The following PCDHAC1 variants were observed in gnomAD, a reference collection of about 807,000 sequenced individuals.
PCDHAC1 encodes the protein protocadherin alpha-C1.
PCDHAC1 carries 42 observed loss-of-function variants against 60.0 expected under a neutral mutation model. The ratio of observed to expected loss-of-function variants is 0.70; its 90% CI spans 0.55 to 0.90. The LOEUF (loss-of-function observed/expected upper bound fraction) is 0.90, where lower values mean the gene tolerates loss of function less well. Among genes scored for constraint, PCDHAC1 ranks in the 40% least tolerant of loss-of-function variants. PCDHAC1 has a pLI of 0.00. For missense variants in PCDHAC1, 1,160 were observed against 1,222.3 expected (o/e 0.95, Z 0.76); for synonymous variants, 468 against 499.3 (o/e 0.94, Z 0.84).
Position 140,927,652 on chromosome 5 carries a change from C to T in PCDHAC1, c.760C>T (p.Arg254Ter), listed in dbSNP as rs868980158. The change falls in exon 1 of 4, where the codon CGA (arginine) becomes TGA (stop). Residue 254 changes from arginine to a stop codon, truncating the protein, a stop_gained. Transcript: ENST00000253807. LOFTEE classifies it high-confidence loss of function. The part of the protein sequence containing the change: ...ETAPNGTVLF[R>*]VQALDPDEGS... Reference sequence around the variant, plus strand: ...TGCACCCAATGGGACTGTGTTATTCCGAGTTCAAGCCTTGGATCCAGATGA... The same window carrying T: ...TGCACCCAATGGGACTGTGTTATTCTGAGTTCAAGCCTTGGATCCAGATGA... 1.7e-5 allele frequency: 28 copies of T among 1,614,054 alleles called. No homozygotes were observed. The highest frequency in any genetic ancestry group is 9.3e-5 in the African/African-American group (7 of 74,906).
chr5:140,975,848 T>C (rs1345383470), intron 1 of PCDHAC1, among the ~76,000 whole-genome samples: 1 of 152,234 alleles, frequency 6.6e-6, no homozygotes, highest in Non-Finnish European at 1.5e-5. Flanking sequence ...TCAGTAATAC[T>C]ACATCACCCA....
At chr5:140,954,287 TG>T (rs1353316805) in intron 1 of PCDHAC1, among the ~76,000 whole-genome samples, 1 of 152,248 alleles carries the variant, frequency 6.6e-6, no homozygotes, top group Non-Finnish European at 1.5e-5. Flanking sequence ...TATATTCCTT[TG>T]GGTACATACC....
intron 1 of PCDHAC1, among the ~76,000 whole-genome samples, chr5:140,978,596 C>T (rs2096811689): frequency 6.6e-6 from 1 of 152,204 alleles, no homozygotes; most frequent in African/African-American, 2.4e-5. Context: ...CTTAATGGGG[C>T]ACTTGAGGGC....
In PCDHAC1 at chr5:140,927,539, A is replaced by G. The variant is rs1554204701; in HGVS notation, c.647A>G (p.Asp216Gly). The G allele has an allele frequency of 6.2e-7, 1 of 1,614,112 alleles. No individual in the cohort carries two copies. Among genetic ancestry groups the G allele is most frequent in the Non-Finnish European group, 8.5e-7 (1 of 1,180,026 alleles). Residue 216 changes from aspartate to glycine, a missense_variant, in exon 1 of 4, where the codon GAC (aspartate) becomes GGC (glycine). Physicochemically the swap from Asp to Gly is moderately conservative, Grantham distance 94 (BLOSUM62 -1). Coordinates refer to ENST00000253807, the MANE Select transcript of PCDHAC1 (RefSeq NM_018898.5). ...RDGGLPARSG[D>G]AQVTIIVVDT... is the part of the protein sequence containing the mutation. ...GGCGGGCTACCTGCCCGCTCAGGAG[A>G]CGCACAAGTCACCATCATTGTGGTG...
chr5:140,986,345 C>T (rs1442253492), intron 3 of PCDHAC1, among the ~76,000 whole-genome samples: 2 of 152,172 alleles, frequency 1.3e-5, no homozygotes, highest in African/African-American at 4.8e-5. Flanking sequence ...GTTGCAGCCT[C>T]TTCTTCAGAT....
At chr5:140,932,549 C>T (rs1222820851) in intron 1 of PCDHAC1, among the ~76,000 whole-genome samples, 1 of 151,864 alleles carries the variant, frequency 6.6e-6, no homozygotes, top group African/African-American at 2.4e-5. Context: ...ATTTAACATA[C>T]ATTCCACAAG....
intron 1 of PCDHAC1, chr5:140,968,608 T>C: frequency 6.2e-7 from 1 of 1,614,242 alleles, no homozygotes; most frequent in South Asian, 1.1e-5. Context: ...ACTCAGACTC[T>C]GGGCAAAATG....
At chr5:140,936,571 C>G (rs2153629502) in intron 1 of PCDHAC1, among the ~76,000 whole-genome samples, 1 of 152,342 alleles carries the variant, frequency 6.6e-6, no homozygotes, top group African/African-American at 2.4e-5. Flanking sequence ...ATATTTTCCA[C>G]TTGTAAATCC....
At chr5:140,966,767 A>T in intron 1 of PCDHAC1, 1 of 1,484,362 alleles carries the variant, frequency 6.7e-7, no homozygotes, top group South Asian at 1.3e-5. Context: ...GCCAGTGGCT[A>T]TGGAGCAGGC....
chr5:140,928,178 G>A lies in PCDHAC1; in HGVS notation c.1286G>A (p.Arg429Lys). The A allele has an allele frequency of 6.2e-7, 1 of 1,614,192 alleles. No individual in the cohort carries two copies. Reference sequence around the variant, plus strand: ...GGCTCACCCCCACTTAGCACCCGAAGGACAATCACTGTGTCAGTTGCTGAT... The same window carrying A: ...GGCTCACCCCCACTTAGCACCCGAAAGACAATCACTGTGTCAGTTGCTGAT... ...DSGSPPLSTRRTITVSVADVN... is the reference protein window; with the variant it reads ...DSGSPPLSTRKTITVSVADVN... Residue 429 changes from arginine (R) to lysine (K), a missense_variant, in exon 1 of 4, where the codon AGG becomes AAG. Transcript: ENST00000253807.
chr5:140,975,127 T>C (rs1331047394), intron 1 of PCDHAC1, among the ~76,000 whole-genome samples: 2 of 152,288 alleles, frequency 1.3e-5, no homozygotes, highest in East Asian at 1.9e-4. Flanking sequence ...CTACTTACTA[T>C]TGGCCTGGGG....
chr5:140,988,900 G>A (rs2097319351), intron 3 of PCDHAC1: 1 of 152,194 alleles, frequency 6.6e-6, no homozygotes, highest in Admixed American at 6.5e-5. Context: ...ACATTTTAGA[G>A]GGTGTAGTGA....
chr5:140,993,462 TCACACACACACA>T (rs3836747), intron 3 of PCDHAC1, among the ~76,000 whole-genome samples: 1,999 of 141,038 alleles, frequency 0.014, 48 homozygotes, highest in African/African-American at 0.047. Context: ...TCTTTCTTTC[TCACACACACACA>T]CACACACACA....
chr5:141,002,806 G>T (rs1341419225), intron 3 of PCDHAC1, among the ~76,000 whole-genome samples: 1 of 152,162 alleles, frequency 6.6e-6, no homozygotes, highest in Non-Finnish European at 1.5e-5. Context: ...GGAAACTGAG[G>T]CTCAGAGATA....
chr5:140,963,032 T>C (rs541613535), intron 1 of PCDHAC1, among the ~76,000 whole-genome samples: 8 of 152,290 alleles, frequency 5.3e-5, no homozygotes, highest in African/African-American at 1.9e-4. Context: ...CAATTAACAT[T>C]TATTGAGAGT....
intron 3 of PCDHAC1, among the ~76,000 whole-genome samples, chr5:140,993,766 C>T (rs567978996): frequency 9.2e-5 from 14 of 152,082 alleles, no homozygotes; most frequent in African/African-American, 1.7e-4. Context: ...ATTACAATTG[C>T]GCAGTATTTT....
chr5:140,999,144 G>A (rs2097848915), intron 3 of PCDHAC1, among the ~76,000 whole-genome samples: 1 of 152,200 alleles, frequency 6.6e-6, no homozygotes, highest in Non-Finnish European at 1.5e-5. Context: ...ACAGCCGGAA[G>A]TCTTCAGTCC....
chr5:141,000,361 GTCTCTCTCTC>G lies in PCDHAC1; in HGVS notation c.2582-9240_2582-9231del, dbSNP rs148596731. Reference sequence around the variant, plus strand: ...CCTATCTCTCTCTCTGTCTCTCTCTGTCTCTCTCTCTCTCTCTCTCTCTCTCTCTCTCTCT... The same window carrying G: ...CCTATCTCTCTCTCTGTCTCTCTCTGTCTCTCTCTCTCTCTCTCTCTCTCT... On this transcript the variant is annotated intron_variant, in intron 3 of 3. Transcript: ENST00000253807. 0.019 allele frequency among the ~76,000 whole-genome samples: 511 copies of G among 26,396 alleles called. 13 individuals carry two copies. In the Middle Eastern group the frequency reaches 0.2, roughly 10 times the overall value. The allele number at this position is 26,396 out of a possible 152,430, so 17.3% of individuals were successfully genotyped here.
intron 1 of PCDHAC1, chr5:140,930,019 T>G (rs1454076883): frequency 6.6e-6 from 1 of 152,222 alleles, no homozygotes; most frequent in Non-Finnish European, 1.5e-5. Context: ...GATAGCTCCA[T>G]AGCAGTGTTT....
Sources: allele counts gnomAD v4.1 joint callset (sites outside exome capture counted in the v4.1 genomes callset), GRCh38; gene constraint gnomAD v4.1.1; transcripts MANE v1.5; gene names NCBI Gene and HGNC (gene_info 2026-07-23, HGNC 2026-07-21).